Variants in CTPS2 observed in about 807,000 individuals in gnomAD.
CTPS2 encodes the protein CTP synthase 2.
A neutral mutation model predicts 46.8 loss-of-function variants in CTPS2; 19 were observed. That is an observed-to-expected ratio of 0.41 (90% CI 0.28 to 0.60). CTPS2 has a LOEUF of 0.60. Among genes scored for constraint, CTPS2 ranks in the 20% least tolerant of loss-of-function variants. The pLI is 0.35. For synonymous variants in CTPS2, 151 were observed against 165.2 expected, an observed-to-expected ratio of 0.91 and a Z score of 0.66; for missense variants, 286 against 447.6, an observed-to-expected ratio of 0.64 and a Z score of 3.26.
chrX:16,601,739 CATA>C (rs201214917), intron 17 of CTPS2, among the ~76,000 whole-genome samples: 2,613 of 111,560 alleles, frequency 0.023, 32 homozygotes, highest in Non-Finnish European at 0.036. Context: ...ATAGCATCAT[CATA>C]ATAATTCCCA....
chrX:16,598,558 A>T (rs1285185305), intron 17 of CTPS2, among the ~76,000 whole-genome samples: 1 of 109,454 alleles, frequency 9.1e-6, no homozygotes, highest in African/African-American at 3.4e-5. Context: ...AAATTGTGGC[A>T]ATAATCAATA....
chrX:16,687,464 C>A (rs1183524946), intron 8 of CTPS2, among the ~76,000 whole-genome samples: 24 of 69,802 alleles, frequency 3.4e-4, no homozygotes, highest in African/African-American at 1.4e-3. Context: ...AACAGAGCAA[C>A]ACCCTGTGTC....
intron 14 of CTPS2, among the ~76,000 whole-genome samples, chrX:16,633,372 G>T (rs1277271514): frequency 9.0e-6 from 1 of 111,618 alleles, no homozygotes; most frequent in East Asian, 2.8e-4. Flanking sequence ...CCCCCTGACT[G>T]TTTCTGTTTG....
intron 13 of CTPS2, among the ~76,000 whole-genome samples, chrX:16,655,414 C>T (rs1338106785): frequency 9.0e-6 from 1 of 111,661 alleles, no homozygotes; most frequent in East Asian, 2.8e-4. Flanking sequence ...CCACTTTTTG[C>T]GTCCAGCTAG....
intron 16 of CTPS2, among the ~76,000 whole-genome samples, chrX:16,613,201 C>T (rs1324651997): frequency 8.9e-6 from 1 of 112,236 alleles, no homozygotes; most frequent in Non-Finnish European, 1.9e-5. Context: ...GAGCCTAAAG[C>T]ATATAGGCTG....
chrX:16,651,384 G>T (rs934632400), intron 13 of CTPS2, among the ~76,000 whole-genome samples: 2 of 111,724 alleles, frequency 1.8e-5, no homozygotes, highest in African/African-American at 6.5e-5. Flanking sequence ...CATAATAAAT[G>T]GAAGCAATGC....
At chrX:16,611,876 C>G (rs951519572) in intron 16 of CTPS2, among the ~76,000 whole-genome samples, 1 of 112,241 alleles carries the variant, frequency 8.9e-6, no homozygotes, top group Non-Finnish European at 1.9e-5. Flanking sequence ...CCTCAAGAAA[C>G]GCAGAGAAAT....
At chrX:16,613,880 T>C (rs1366715177) in intron 16 of CTPS2, among the ~76,000 whole-genome samples, 9 of 111,700 alleles carry the variant, frequency 8.1e-5, no homozygotes, top group Admixed American at 1.9e-4. Context: ...CGTGAGCCAC[T>C]GCACCTGGCT....
chrX:16,627,930 A>G (rs1012523702), intron 14 of CTPS2, among the ~76,000 whole-genome samples: 1 of 111,611 alleles, frequency 9.0e-6, no homozygotes, highest in Non-Finnish European at 1.9e-5. Flanking sequence ...GCCGTTTGGT[A>G]CAGTGAGGTG....
chrX:16,623,432 C>T (rs1225478685), intron 14 of CTPS2, among the ~76,000 whole-genome samples: 1 of 111,606 alleles, frequency 9.0e-6, no homozygotes, highest in Non-Finnish European at 1.9e-5. Flanking sequence ...TTCCCAGCCC[C>T]TGGCAACCAT....
intron 9 of CTPS2, among the ~76,000 whole-genome samples, chrX:16,680,243 A>G (rs1028709416): frequency 8.9e-6 from 1 of 111,756 alleles, no homozygotes; most frequent in East Asian, 2.8e-4. Context: ...TATCTATATT[A>G]GTTTAGTATT....
At chrX:16,670,175 G>C (rs896853335) in intron 11 of CTPS2, among the ~76,000 whole-genome samples, 3 of 111,903 alleles carry the variant, frequency 2.7e-5, no homozygotes, top group Non-Finnish European at 5.6e-5. Context: ...CACAGTTGCA[G>C]ATGGAGCCTT....
intron 11 of CTPS2, 49 bp from the exon 12 acceptor site, chrX:16,667,773 G>A (rs1338871103): frequency 2.7e-6 from 3 of 1,109,030 alleles, no homozygotes; most frequent in South Asian, 3.7e-5. Context: ...CTTTGTATTT[G>A]TTCACATTTT....
At chrX:16,654,753 AAAAG>A (rs1932776472) in intron 13 of CTPS2, 1 of 169,604 alleles carries the variant, frequency 5.9e-6, no homozygotes, top group Admixed American at 8.6e-5. Flanking sequence ...ATAGATTTAA[AAAAG>A]AGAGAGAGAG....
At chrX:16,661,781 C>T (rs1245278066) in intron 13 of CTPS2, among the ~76,000 whole-genome samples, 2 of 111,124 alleles carry the variant, frequency 1.8e-5, no homozygotes, top group Non-Finnish European at 3.8e-5. Flanking sequence ...CGTTAAAATG[C>T]TTTGAATTTC....
At chrX:16,646,064 G>A (rs1044481952) in intron 13 of CTPS2, among the ~76,000 whole-genome samples, 9 of 112,669 alleles carry the variant, frequency 8.0e-5, no homozygotes, top group African/African-American at 2.9e-4. Flanking sequence ...ACAGACAAAG[G>A]CCTATATCAT....
intron 14 of CTPS2, among the ~76,000 whole-genome samples, chrX:16,621,014 G>A (rs1279818522): frequency 8.9e-6 from 1 of 111,847 alleles, no homozygotes; most frequent in African/African-American, 3.3e-5. Flanking sequence ...GAAGCAAGCT[G>A]AGCATCAAGA....
chrX:16,599,245 G>GT (rs749696978), intron 17 of CTPS2, among the ~76,000 whole-genome samples: 1 of 110,975 alleles, frequency 9.0e-6, no homozygotes, highest in South Asian at 3.8e-4. Flanking sequence ...AGGGCCAAAA[G>GT]TTTTTTTTAA....
chrX:16,613,236 G>A (rs776180720), intron 16 of CTPS2, among the ~76,000 whole-genome samples: 85 of 112,054 alleles, frequency 7.6e-4, no homozygotes, highest in Middle Eastern at 4.6e-3. Flanking sequence ...GGAACATCAC[G>A]GTACCATTTT....
Sources: allele counts gnomAD v4.1 joint callset (sites outside exome capture counted in the v4.1 genomes callset), GRCh38; gene constraint gnomAD v4.1.1; transcripts MANE v1.5; gene names NCBI Gene and HGNC (gene_info 2026-07-23, HGNC 2026-07-21).